WWOX: variants seen among roughly 807,000 people sequenced by gnomAD.
WWOX encodes the protein WW domain containing oxidoreductase.
In WWOX, 69 loss-of-function variants were observed where a neutral mutation model predicts 46.2. That is an observed-to-expected ratio of 1.49 (90% confidence interval 1.23 to 1.82). WWOX has a LOEUF of 1.82. Among genes scored for constraint, WWOX ranks in the 40% most tolerant of loss-of-function variants. WWOX has a pLI of 0.00. For missense variants in WWOX, 919 were observed against 542.6 expected, an observed-to-expected ratio of 1.69 and a Z score of -6.89; for synonymous variants, 359 against 202.6, an observed-to-expected ratio of 1.77 and a Z score of -6.56.
At chr16:78,771,740 T>G (rs2050069123) in intron 8 of WWOX, among the ~76,000 whole-genome samples, 1 of 151,588 alleles carries the variant, frequency 6.6e-6, no homozygotes, top group Admixed American at 6.6e-5. Context: ...CCACTGCACT[T>G]CAGCTTGGGC....
chr16:78,160,493 G>A (rs57507141), intron 4 of WWOX, among the ~76,000 whole-genome samples: 3,724 of 152,132 alleles, frequency 0.024, 138 homozygotes, highest in African/African-American at 0.085. Context: ...TACTCCTTAA[G>A]TTTGTATATG....
At chr16:78,758,323 G>A (rs2049707667) in intron 8 of WWOX, among the ~76,000 whole-genome samples, 1 of 152,178 alleles carries the variant, frequency 6.6e-6, no homozygotes, top group Non-Finnish European at 1.5e-5. Context: ...TGAGCCACTT[G>A]TAGAGAGGTA....
chr16:78,118,812 C>T (rs1383041496), intron 4 of WWOX: 1 of 152,190 alleles, frequency 6.6e-6, no homozygotes, highest in Non-Finnish European at 1.5e-5. Context: ...CCCCAGGCCC[C>T]AGGAAGACTG....
chr16:79,137,790 A>G (rs193039700), intron 8 of WWOX, among the ~76,000 whole-genome samples: 2 of 150,822 alleles, frequency 1.3e-5, no homozygotes, highest in African/African-American at 4.9e-5. Context: ...TCTTCCTTGT[A>G]TCCTTAATGA....
chr16:78,744,098 A>G (rs1597532702), intron 8 of WWOX, among the ~76,000 whole-genome samples: 1 of 152,174 alleles, frequency 6.6e-6, no homozygotes, highest in Non-Finnish European at 1.5e-5. Flanking sequence ...TATGAAGAGT[A>G]TTGGGGTACA....
At chr16:79,005,407 G>C (rs1314189621) in intron 8 of WWOX, among the ~76,000 whole-genome samples, 1 of 152,136 alleles carries the variant, frequency 6.6e-6, no homozygotes, top group African/African-American at 2.4e-5. Flanking sequence ...CGTTTCTTAG[G>C]CGTGCCACGT....
At chr16:78,258,707 C>CAAAAAA (rs11396946) in intron 5 of WWOX, among the ~76,000 whole-genome samples, 1 of 69,586 alleles carries the variant, frequency 1.4e-5, no homozygotes, top group Non-Finnish European at 2.7e-5. Flanking sequence ...TTCCTCCCTC[C>CAAAAAA]AAAAAAAAAA....
At chr16:78,558,376 A>G (rs1259825344) in intron 8 of WWOX, among the ~76,000 whole-genome samples, 2 of 152,242 alleles carry the variant, frequency 1.3e-5, no homozygotes, top group African/African-American at 4.8e-5. Context: ...TTAGCTGTGA[A>G]CATTTAAAAC....
chr16:78,757,096 T>G, intron 8 of WWOX: 1 of 691,654 alleles, frequency 1.4e-6, no homozygotes, highest in African/African-American at 1.8e-5. Context: ...CAATCTTGAC[T>G]GGAACTTTAT....
intron 8 of WWOX, among the ~76,000 whole-genome samples, chr16:78,787,947 A>C (rs1012971701): frequency 6.6e-6 from 1 of 152,206 alleles, no homozygotes; most frequent in Non-Finnish European, 1.5e-5. Context: ...CTTTTTTAAA[A>C]TAGAAATGTT....
intron 8 of WWOX, among the ~76,000 whole-genome samples, chr16:79,209,024 C>T (rs901650517): frequency 5.3e-5 from 8 of 152,182 alleles, no homozygotes; most frequent in South Asian, 2.1e-4. Flanking sequence ...TCTTTGCTTT[C>T]GGGTGCCCCT....
At chr16:78,828,623 C>T (rs182486299) in intron 8 of WWOX, among the ~76,000 whole-genome samples, 239 of 152,184 alleles carry the variant, frequency 1.6e-3, no homozygotes, top group African/African-American at 5.5e-3. Flanking sequence ...TAATAATAAA[C>T]GTGATATAAT....
At chr16:78,425,126 A>G in intron 7 of WWOX, 71 bp downstream of exon 7, 1 of 1,594,562 alleles carries the variant, frequency 6.3e-7, no homozygotes, top group South Asian at 1.1e-5. Context: ...CAAGGCTCTC[A>G]TTCTGAAAAT....
chr16:79,144,401 T>C (rs1001042587), intron 8 of WWOX, among the ~76,000 whole-genome samples: 1 of 152,214 alleles, frequency 6.6e-6, no homozygotes, highest in Non-Finnish European at 1.5e-5. Flanking sequence ...ACTTCTCAGG[T>C]GATAGCTGCT....
At chr16:78,331,238 C>G (rs929307381) in intron 5 of WWOX, among the ~76,000 whole-genome samples, 1 of 152,110 alleles carries the variant, frequency 6.6e-6, no homozygotes, top group African/African-American at 2.4e-5. Context: ...TTCATGCTTG[C>G]GTTTCTTGCA....
At chr16:78,567,615 C>G (rs927505569) in intron 8 of WWOX, among the ~76,000 whole-genome samples, 5 of 149,952 alleles carry the variant, frequency 3.3e-5, no homozygotes, top group Non-Finnish European at 3.0e-5. Flanking sequence ...GGTTCCCAAG[C>G]TCGCCGCAGC....
Position 78,108,403 on chromosome 16 carries a change from G to A in WWOX, c.108-20G>A, listed in dbSNP as rs760210735. The A allele has an allele frequency of 1.9e-6, 3 of 1,583,894 alleles. No homozygotes were observed. Among genetic ancestry groups the A allele is most frequent in the Non-Finnish European group, 2.6e-6 (3 of 1,157,008 alleles). ...GAGTTAATTTTTACTTATTACTGTG[G>A]ATTTTTTGTTTTTTAACAGTCACAC... On this transcript the variant is annotated intron_variant, in intron 1 of 8. Transcript: ENST00000566780.
intron 8 of WWOX, among the ~76,000 whole-genome samples, chr16:78,474,336 G>C (rs1474027353): frequency 6.6e-6 from 1 of 152,134 alleles, no homozygotes. Flanking sequence ...CTTTCTGTAG[G>C]ACGCCAATAG....
intron 8 of WWOX, among the ~76,000 whole-genome samples, chr16:79,083,671 A>C (rs552314948): frequency 1.3e-5 from 2 of 152,212 alleles, no homozygotes; most frequent in Non-Finnish European, 2.9e-5. Context: ...ATTGCACGGC[A>C]CAGAGGGAAT....
Sources: gnomAD v4.1 joint callset for allele counts (sites outside exome capture counted in the v4.1 genomes callset) on GRCh38, gnomAD v4.1.1 for gene constraint, MANE v1.5 for transcripts, NCBI Gene and HGNC (gene_info 2026-07-23, HGNC 2026-07-21) for gene names.